The following SMYD3 variants were observed in gnomAD, a reference collection of about 807,000 sequenced individuals.
SMYD3 encodes the protein histone-lysine N-methyltransferase SMYD3.
In SMYD3, 36 loss-of-function variants were observed where a neutral mutation model predicts 57.7. The observed-to-expected ratio is 0.62, with a 90% CI of 0.48 to 0.82. The LOEUF (loss-of-function observed/expected upper bound fraction) is 0.82, where lower values mean the gene tolerates loss of function less well. Among genes scored for constraint, SMYD3 ranks in the 40% least tolerant of loss-of-function variants. The pLI, the probability that SMYD3 is intolerant of heterozygous loss-of-function variation, is 0.00. For synonymous variants in SMYD3, 211 were observed against 195.0 expected (o/e 1.08, Z -0.68); for missense variants, 515 against 538.8 (o/e 0.96, Z 0.44).
chr1:246,293,942 C>T (rs925459187), intron 5 of SMYD3, among the ~76,000 whole-genome samples: 6 of 152,276 alleles, frequency 3.9e-5, no homozygotes, highest in Middle Eastern at 3.4e-3. Flanking sequence ...CGTTAACTGA[C>T]GTCTCTGCAG....
intron 1 of SMYD3, among the ~76,000 whole-genome samples, chr1:246,453,948 A>C (rs569351248): frequency 1.8e-4 from 27 of 152,336 alleles, no homozygotes; most frequent in Admixed American, 1.4e-3. Context: ...TGATGGAACA[A>C]GTGGATCTTC....
chr1:245,863,775 C>T (rs753399230), intron 9 of SMYD3, 24 bp downstream of exon 9: 5 of 1,606,806 alleles, frequency 3.1e-6, no homozygotes, highest in Non-Finnish European at 4.3e-6. Flanking sequence ...AACAGTCCAC[C>T]TCAATCCACA....
chr1:246,022,338 A>G (rs759944090), intron 5 of SMYD3, among the ~76,000 whole-genome samples: 1 of 152,146 alleles, frequency 6.6e-6, no homozygotes, highest in Non-Finnish European at 1.5e-5. Context: ...TATGGTGGAA[A>G]ATGAGGGCCA....
intron 10 of SMYD3, among the ~76,000 whole-genome samples, chr1:245,801,696 C>T (rs763325751): frequency 6.9e-6 from 1 of 144,072 alleles, no homozygotes; most frequent in Non-Finnish European, 1.5e-5. Flanking sequence ...TCTTCTTTTA[C>T]ACAAAGAATA....
intron 10 of SMYD3, among the ~76,000 whole-genome samples, chr1:245,827,253 C>A (rs1378999005): frequency 6.6e-6 from 1 of 152,142 alleles, no homozygotes; most frequent in Non-Finnish European, 1.5e-5. Flanking sequence ...GACTCTACAG[C>A]CTGTTGTCAG....
chr1:246,471,684 G>C (rs936841145), intron 1 of SMYD3, among the ~76,000 whole-genome samples: 1 of 152,228 alleles, frequency 6.6e-6, no homozygotes, highest in Admixed American at 6.5e-5. Context: ...TCTGCTTACT[G>C]TTCCACTCGG....
intron 10 of SMYD3, among the ~76,000 whole-genome samples, chr1:245,790,178 A>G (rs898100057): frequency 6.6e-6 from 1 of 152,224 alleles, no homozygotes; most frequent in Non-Finnish European, 1.5e-5. Flanking sequence ...AGACACTTTC[A>G]TTGGGGGCTG....
At chr1:246,271,516 G>A (rs2064221823) in intron 5 of SMYD3, among the ~76,000 whole-genome samples, 1 of 152,104 alleles carries the variant, frequency 6.6e-6, no homozygotes, top group Non-Finnish European at 1.5e-5. Context: ...TTTTGCATAT[G>A]GATACCCAGT....
intron 3 of SMYD3, among the ~76,000 whole-genome samples, chr1:246,334,381 T>TA (rs530017807): frequency 6.6e-6 from 1 of 152,106 alleles, no homozygotes; most frequent in Non-Finnish European, 1.5e-5. Context: ...ATGCAACCAT[T>TA]AAAAAGAGTG....
intron 8 of SMYD3, among the ~76,000 whole-genome samples, chr1:245,876,839 G>A (rs1046492510): frequency 1.3e-5 from 2 of 152,198 alleles, no homozygotes; most frequent in South Asian, 4.1e-4. Context: ...AAGCCCTGGG[G>A]CTATGGGAGC....
chr1:246,083,906 G>T (rs2060684136), intron 5 of SMYD3, among the ~76,000 whole-genome samples: 1 of 151,918 alleles, frequency 6.6e-6, no homozygotes, highest in African/African-American at 2.4e-5. Flanking sequence ...CGAAATGAAA[G>T]ACTTTATTAG....
At chr1:246,462,198 C>T (rs1486277881) in intron 1 of SMYD3, among the ~76,000 whole-genome samples, 1 of 116,234 alleles carries the variant, frequency 8.6e-6, no homozygotes, top group Non-Finnish European at 1.9e-5. Flanking sequence ...TACAGTGCAT[C>T]CTCCCGCGGG....
chr1:245,847,107 T>TC (rs1285208905), intron 10 of SMYD3, among the ~76,000 whole-genome samples: 1 of 152,190 alleles, frequency 6.6e-6, no homozygotes, highest in Non-Finnish European at 1.5e-5. Context: ...CCTTAACACA[T>TC]CTAACAATAA....
intron 5 of SMYD3, among the ~76,000 whole-genome samples, chr1:246,173,848 C>T (rs1441798848): frequency 6.6e-6 from 1 of 152,028 alleles, no homozygotes; most frequent in African/African-American, 2.4e-5. Flanking sequence ...GCTTTCCTGC[C>T]CTGGCTGAAG....
intron 2 of SMYD3, among the ~76,000 whole-genome samples, chr1:246,348,562 G>A (rs1409618150): frequency 6.6e-6 from 1 of 152,098 alleles, no homozygotes; most frequent in Non-Finnish European, 1.5e-5. Context: ...GTACACAAGT[G>A]TATAAATATG....
chr1:246,182,859 C>T (rs1225146059), intron 5 of SMYD3, among the ~76,000 whole-genome samples: 1 of 152,138 alleles, frequency 6.6e-6, no homozygotes, highest in Non-Finnish European at 1.5e-5. Flanking sequence ...CTAAATCCTT[C>T]CTAATGATGA....
chr1:246,034,490 A>G (rs1364515122), intron 5 of SMYD3: 1 of 152,260 alleles, frequency 6.6e-6, no homozygotes, highest in Non-Finnish European at 1.5e-5. Flanking sequence ...CAGACAATGA[A>G]GAAAGAACAT....
chr1:246,476,832 A>G (rs1182887178), intron 1 of SMYD3, among the ~76,000 whole-genome samples: 1 of 152,232 alleles, frequency 6.6e-6, no homozygotes, highest in Non-Finnish European at 1.5e-5. Context: ...TCCAGTTGGC[A>G]TTTGACTAAA....
In SMYD3 at chr1:245,861,274, C is replaced by T. The variant is rs141952679; in HGVS notation, c.901+2525G>A. Among the ~76,000 whole-genome samples, 603 of 152,336 alleles carry T rather than the reference C, an allele frequency of 4.0e-3. 8 individuals are homozygous for T. Among genetic ancestry groups the T allele is most frequent in the East Asian group, 3.9e-3 (20 of 5,190 alleles). ...TACTACAATTCACTCTGTTCCAGTA[C>T]GGAGCTGAGCTCTAGACCTAGCAGG... On this transcript the variant is annotated intron_variant, in intron 9 of 11. Transcript: ENST00000490107.
Sources: allele counts gnomAD v4.1 joint callset (sites outside exome capture counted in the v4.1 genomes callset), GRCh38; gene constraint gnomAD v4.1.1; transcripts MANE v1.5; gene names NCBI Gene and HGNC (gene_info 2026-07-23, HGNC 2026-07-21).